PRH1: variants seen among roughly 807,000 people sequenced by gnomAD.
PRH1 encodes the protein salivary acidic proline-rich phosphoprotein 1/2.
Under a neutral mutation model 7.9 loss-of-function variants are expected in PRH1, and 7 were observed. The observed-to-expected ratio is 0.89, with a 90% CI of 0.50 to 1.67. PRH1 has a LOEUF of 1.67. Among genes scored for constraint, PRH1 ranks in the 40% most tolerant of loss-of-function variants. The pLI, the probability that PRH1 is intolerant of heterozygous loss-of-function variation, is 0.00. For missense variants in PRH1, 109 were observed against 223.6 expected (o/e 0.49, Z 3.27); for synonymous variants, 45 against 80.8 (o/e 0.56, Z 2.38).
At chr12:11,130,015 G>A (rs35053206) in intron 1 of PRH1, among the ~76,000 whole-genome samples, 32,119 of 151,962 alleles carry the variant, frequency 0.21, 3,977 homozygotes, top group Non-Finnish European at 0.27. Context: ...GCCAGGCATG[G>A]TGTTGTGCCC....
intron 2 of PRH1, among the ~76,000 whole-genome samples, chr12:10,924,744 C>T (rs1950101588): frequency 1.3e-5 from 2 of 152,052 alleles, no homozygotes; most frequent in Admixed American, 6.5e-5. Flanking sequence ...GTGTATGTGT[C>T]GAGGAATGTA....
At chr12:11,076,508 C>A (rs1944296806) in intron 1 of PRH1, among the ~76,000 whole-genome samples, 1 of 117,252 alleles carries the variant, frequency 8.5e-6, no homozygotes, top group African/African-American at 2.9e-5. Context: ...AATTCAGGAG[C>A]TCAGAGGTGG....
intron 1 of PRH1, among the ~76,000 whole-genome samples, chr12:11,139,240 A>C (rs1565695235): frequency 1.3e-5 from 2 of 152,168 alleles, no homozygotes; most frequent in Non-Finnish European, 2.9e-5. Flanking sequence ...GAGAGTAATA[A>C]AACCTAAAAA....
chr12:10,951,832 T>A (rs1001325022), intron 2 of PRH1, among the ~76,000 whole-genome samples: 4 of 152,196 alleles, frequency 2.6e-5, no homozygotes, highest in African/African-American at 7.2e-5. Flanking sequence ...TTTTATTATT[T>A]AATGGTTTAA....
At chr12:10,884,822 G>A (rs7956204), upstream of PRH1, among the ~76,000 whole-genome samples, 75,717 of 151,432 alleles carry the variant, frequency 0.5, 21,143 homozygotes, top group East Asian at 0.72. Flanking sequence ...ACATATATGA[G>A]AGAAAGGTGC....
chr12:10,941,832 C>T (rs1450702443), intron 2 of PRH1, among the ~76,000 whole-genome samples: 3 of 152,116 alleles, frequency 2.0e-5, no homozygotes, highest in Non-Finnish European at 2.9e-5. Context: ...TTTTCTGGCT[C>T]CTCCTCATTT....
intron 2 of PRH1, among the ~76,000 whole-genome samples, chr12:10,952,197 A>C (rs543849686): frequency 1.6e-4 from 24 of 152,322 alleles, no homozygotes; most frequent in African/African-American, 4.6e-4. Flanking sequence ...GAAAACTTCC[A>C]CTTTTGAATA....
Position 10,883,150 on chromosome 12 carries a change from C to A in PRH1, c.65-54G>T, listed in dbSNP as rs577524255. ...AAGTTACTTCCTGAATCATTCAAGG[C>A]TCATAGTGTTCTACGAGGATAAAGG... On this transcript the variant is annotated intron_variant, in intron 1 of 3. Transcript: ENST00000543626. The A allele has an allele frequency of 1.8e-5, 29 of 1,579,414 alleles. No individual in the cohort carries two copies. The South Asian group carries it at 2.7e-4, about 14-fold the overall frequency.
intron 1 of PRH1, among the ~76,000 whole-genome samples, chr12:11,008,182 T>C (rs1481034959): frequency 6.6e-6 from 1 of 152,082 alleles, no homozygotes; most frequent in East Asian, 1.9e-4. Flanking sequence ...CTACAAGTTG[T>C]AACTAAAATA....
chr12:10,967,074 C>T (rs1938538412), intron 2 of PRH1, among the ~76,000 whole-genome samples: 1 of 148,584 alleles, frequency 6.7e-6, no homozygotes, highest in Non-Finnish European at 1.5e-5. Context: ...GAGATGGCGC[C>T]ACCGCACTCC....
At chr12:10,957,690 G>A (rs1305124459) in intron 2 of PRH1, among the ~76,000 whole-genome samples, 3 of 151,734 alleles carry the variant, frequency 2.0e-5, no homozygotes, top group Admixed American at 6.6e-5. Flanking sequence ...CGTAATATCC[G>A]GAACATATAA....
intron 1 of PRH1, among the ~76,000 whole-genome samples, chr12:11,108,912 C>T (rs1171146824): frequency 2.6e-5 from 4 of 152,178 alleles, no homozygotes; most frequent in African/African-American, 9.7e-5. Context: ...AAGCTAAGAT[C>T]CACTGGTTTG....
intron 1 of PRH1, among the ~76,000 whole-genome samples, chr12:11,110,728 T>C (rs1188652217): frequency 6.6e-6 from 1 of 152,098 alleles, no homozygotes; most frequent in Non-Finnish European, 1.5e-5. Flanking sequence ...ATTGGCACTA[T>C]GAAGAAACTA....
chr12:11,029,925 T>C (rs528177343), intron 1 of PRH1, among the ~76,000 whole-genome samples: 2 of 151,174 alleles, frequency 1.3e-5, no homozygotes, highest in Non-Finnish European at 3.0e-5. Context: ...ATTGAATGAC[T>C]TTACCATCCA....
At chr12:10,993,831 G>T (rs145863949) in intron 1 of PRH1, among the ~76,000 whole-genome samples, 1 of 152,196 alleles carries the variant, frequency 6.6e-6, no homozygotes, top group Admixed American at 6.5e-5. Context: ...TGCATGCATA[G>T]TGGGCATTAT....
chr12:11,132,805 ATCC>A (rs762173038), intron 1 of PRH1, among the ~76,000 whole-genome samples: 1 of 152,204 alleles, frequency 6.6e-6, no homozygotes, highest in Non-Finnish European at 1.5e-5. Flanking sequence ...CTGAAGATAC[ATCC>A]TCATTAGTGA....
At chr12:10,910,001 T>C (rs1251548463) in intron 2 of PRH1, among the ~76,000 whole-genome samples, 1 of 152,198 alleles carries the variant, frequency 6.6e-6, no homozygotes, top group Non-Finnish European at 1.5e-5. Flanking sequence ...TTTCCCCTCA[T>C]ATTTCTTTTT....
chr12:11,037,811 A>T (rs571673726), intron 1 of PRH1, among the ~76,000 whole-genome samples: 42 of 152,280 alleles, frequency 2.8e-4, no homozygotes, highest in Middle Eastern at 3.4e-3. Flanking sequence ...AGGCTGAGGG[A>T]GGTGGATTGC....
At chr12:11,159,038 G>C (rs1473291853) in intron 1 of PRH1, 1 of 155,466 alleles carries the variant, frequency 6.4e-6, no homozygotes, top group African/African-American at 2.4e-5. Context: ...CCTTTTATGG[G>C]CCTCTGTGCT....
Sources: allele counts gnomAD v4.1 joint callset (sites outside exome capture counted in the v4.1 genomes callset), GRCh38; gene constraint gnomAD v4.1.1; transcripts MANE v1.5; gene names NCBI Gene and HGNC (gene_info 2026-07-23, HGNC 2026-07-21).